Variants in TRPM2 observed in about 807,000 individuals in gnomAD.
The protein encoded by TRPM2 is estrogen-responsive element-associated gene 1 protein.
In TRPM2, 161 loss-of-function variants were observed where a neutral mutation model predicts 174.0. The observed-to-expected ratio is 0.93, with a 90% CI of 0.81 to 1.05. The LOEUF (loss-of-function observed/expected upper bound fraction) is 1.05, where lower values mean the gene tolerates loss of function less well. TRPM2 is among the 50% of genes least tolerant of loss of function. The pLI is 0.00. For synonymous variants in TRPM2, 954 were observed against 861.3 expected (o/e 1.11, Z -1.88); for missense variants, 2,057 against 2,038.0 (o/e 1.01, Z -0.18).
At chr21:44,373,873 C>T (rs1207581465) in intron 5 of TRPM2, among the ~76,000 whole-genome samples, 1 of 152,242 alleles carries the variant, frequency 6.6e-6, no homozygotes, top group African/African-American at 2.4e-5. Context: ...TTCTGTCACT[C>T]TGCAGCAAAG....
chr21:44,412,768 G>C (rs1444540932), intron 19 of TRPM2, among the ~76,000 whole-genome samples: 1 of 151,804 alleles, frequency 6.6e-6, no homozygotes, highest in Admixed American at 6.6e-5. Context: ...ATTGTGAAAG[G>C]GTGGTTTGCT....
In TRPM2 at chr21:44,409,414, A is replaced by G. The variant is rs2050013248; in HGVS notation, c.2962+2649A>G. ...ACCATTAACATAAGGGCTTATTTCT[A>G]GAGTCTCAGTTTGACTCCACTGATG... is the stretch of plus-strand genomic sequence containing the variant. On this transcript the variant is annotated intron_variant, in intron 19 of 31. Transcript: ENST00000397928. Among the ~76,000 whole-genome samples, 4 of 152,078 alleles carry G rather than the reference A, an allele frequency of 2.6e-5. 1 individual carries two copies. The highest frequency in any genetic ancestry group is 5.9e-5 in the Non-Finnish European group (4 of 68,012).
Position 44,440,918 on chromosome 21 carries a change from C to T in TRPM2, c.4386+13C>T, listed in dbSNP as rs2051477759. On this transcript the variant is annotated intron_variant, in intron 31 of 31. Transcript: ENST00000397928. The stretch of plus-strand genomic sequence containing the variant: ...CAGGCTGAACTCTGTATGTGCCTGG[C>T]CTCCCTGGAGGCGGGAGTGGGGAGG... The T allele has an allele frequency of 6.2e-7, 1 of 1,611,680 alleles. No homozygotes were observed.
chr21:44,396,922 GTGTGGGGGGTTGTGGAGGGC>G (rs2049444991), intron 12 of TRPM2, among the ~76,000 whole-genome samples: 1 of 125,074 alleles, frequency 8.0e-6, no homozygotes, highest in Non-Finnish European at 1.7e-5. Flanking sequence ...GTGTGGAGGG[GTGTGGGGGGTTGTGGAGGGC>G]TGTGGAGGCT....
upstream of TRPM2, among the ~76,000 whole-genome samples, chr21:44,352,826 T>A (rs1256073760): frequency 6.6e-6 from 1 of 152,214 alleles, no homozygotes; most frequent in Non-Finnish European, 1.5e-5. Flanking sequence ...ATTATTGTCT[T>A]TTTCCTGGAG....
chr21:44,409,589 T>C (rs2050021877), intron 19 of TRPM2, among the ~76,000 whole-genome samples: 1 of 148,428 alleles, frequency 6.7e-6, no homozygotes, highest in Admixed American at 6.8e-5. Flanking sequence ...GACCGCACTG[T>C]CTTGGTTGGC....
chr21:44,372,963 A>G (rs1316459048), intron 5 of TRPM2, among the ~76,000 whole-genome samples: 1 of 152,036 alleles, frequency 6.6e-6, no homozygotes, highest in Non-Finnish European at 1.5e-5. Flanking sequence ...TTCAGTCCAA[A>G]TTTGCAGTGT....
intron 22 of TRPM2, chr21:44,422,258 C>A: frequency 6.5e-7 from 1 of 1,535,378 alleles, no homozygotes. Flanking sequence ...CACCAAAGCT[C>A]CTCGCCCACA....
chr21:44,407,111 T>C (rs373052432), intron 19 of TRPM2, among the ~76,000 whole-genome samples: 3 of 28,794 alleles, frequency 1.0e-4, no homozygotes, highest in Admixed American at 3.3e-4. Context: ...ACTTCCTTCT[T>C]CTCTTGATGG....
intron 5 of TRPM2, among the ~76,000 whole-genome samples, chr21:44,370,139 AG>A (rs2048487372): frequency 6.6e-6 from 1 of 152,036 alleles, no homozygotes; most frequent in Non-Finnish European, 1.5e-5. Flanking sequence ...AGGTTGTAAG[AG>A]GGGTCCACGT....
Position 44,364,237 on chromosome 21 carries a change from C to T in TRPM2, c.378C>T (p.Ala126=). Residue 126 remains alanine (A), a synonymous_variant, in exon 3 of 32, where the codon GCC becomes GCT. Transcript: ENST00000397928. ...KKHVQEMPTD[A]FGDIVFTGLS... ...ATGTCCAGGAGATGCCAACCGATGC[C>T]TTTGGCGACATCGTCTTCACGGGCC... is the stretch of plus-strand genomic sequence containing the variant. The T allele has an allele frequency of 3.7e-6, 6 of 1,614,242 alleles. No homozygotes were observed. The highest frequency in any genetic ancestry group is 3.4e-6 in the Non-Finnish European group (4 of 1,180,050).
At position 44,390,811 on chromosome 21, in the gene TRPM2, T is replaced by A; in HGVS notation, c.1319-93T>A. 1.9e-6 allele frequency: 3 copies of A among 1,560,356 alleles called. No individual in the cohort carries two copies. The South Asian group carries it at 3.5e-5, about 18-fold the overall frequency. ...CTTTGAATTGTTGAGAGGCAAGGGC[T>A]CATGACACATCCCTGACTCTGACAT... On this transcript the variant is annotated intron_variant, in intron 9 of 31. Transcript: ENST00000397928.
chr21:44,423,602 CCA>C lies in TRPM2; in HGVS notation c.3462-42_3462-41del, dbSNP rs1388387707. On this transcript the variant is annotated intron_variant, in intron 22 of 31. Transcript: ENST00000397928. Reference sequence around the variant, plus strand: ...AGAGCGGTGTGGCGTTCCCAGGGCCCCAAGGTGTGGTGTGCGTCCAGCTCAGC... The same window carrying C: ...AGAGCGGTGTGGCGTTCCCAGGGCCCAGGTGTGGTGTGCGTCCAGCTCAGC... 4 of 1,565,318 alleles carry C rather than the reference CCA, an allele frequency of 2.6e-6. No individual in the cohort carries two copies. The African/African-American group carries it at 5.5e-5, about 22-fold the overall frequency.
intron 27 of TRPM2, among the ~76,000 whole-genome samples, chr21:44,434,774 C>T (rs967338381): frequency 4.6e-5 from 7 of 152,126 alleles, no homozygotes; most frequent in African/African-American, 9.7e-5. Flanking sequence ...CATGCTCTCG[C>T]GTGCTGGGGC....
chr21:44,407,267 A>C (rs999482665), intron 19 of TRPM2, among the ~76,000 whole-genome samples: 6 of 142,744 alleles, frequency 4.2e-5, no homozygotes, highest in African/African-American at 1.6e-4. Flanking sequence ...CTGGGACTGC[A>C]TGTGCACGCC....
chr21:44,422,567 A>G, intron 22 of TRPM2: 6 of 1,129,840 alleles, frequency 5.3e-6, no homozygotes, highest in Non-Finnish European at 7.3e-6. Context: ...GTGTTACTAA[A>G]ATAGTTGCTC....
upstream of TRPM2, among the ~76,000 whole-genome samples, chr21:44,350,989 G>C (rs1339863776): frequency 6.6e-6 from 1 of 152,194 alleles, no homozygotes; most frequent in African/African-American, 2.4e-5. Context: ...TTTCACGCGG[G>C]GATTTCAGAA....
chr21:44,420,033 T>C (rs551590847), intron 22 of TRPM2, among the ~76,000 whole-genome samples: 1 of 152,046 alleles, frequency 6.6e-6, no homozygotes, highest in East Asian at 1.9e-4. Flanking sequence ...ATGGTGACAA[T>C]GTGAGGACCT....
chr21:44,371,144 C>T (rs1602149558), intron 5 of TRPM2, among the ~76,000 whole-genome samples: 3 of 152,358 alleles, frequency 2.0e-5, no homozygotes, highest in African/African-American at 7.2e-5. Flanking sequence ...AGGGGAAGAG[C>T]ATTCCTTGCT....
Sources: gnomAD v4.1 joint callset for allele counts (sites outside exome capture counted in the v4.1 genomes callset) on GRCh38, gnomAD v4.1.1 for gene constraint, MANE v1.5 for transcripts, NCBI Gene and HGNC (gene_info 2026-07-23, HGNC 2026-07-21) for gene names.